RORA: variants seen among roughly 807,000 people sequenced by gnomAD.
RORA encodes the protein nuclear receptor ROR-alpha.
Under a neutral mutation model 69.5 loss-of-function variants are expected in RORA, and 7 were observed. That is an observed-to-expected ratio of 0.10 (90% CI 0.06 to 0.19). RORA has a LOEUF of 0.19. Among genes scored for constraint, RORA ranks in the 10% least tolerant of loss-of-function variants. The probability of loss-of-function intolerance (pLI) is 1.00; values close to 1 mark genes in which losing one functional copy is unlikely to be tolerated. For synonymous variants in RORA, 261 were observed against 240.8 expected (o/e 1.08, Z -0.78); for missense variants, 457 against 663.0 (o/e 0.69, Z 3.41).
intron 1 of RORA, among the ~76,000 whole-genome samples, chr15:60,974,214 G>A (rs1300999224): frequency 6.6e-6 from 1 of 152,164 alleles, no homozygotes; most frequent in African/African-American, 2.4e-5. Flanking sequence ...AACTCCATTA[G>A]TCATCCCTGA....
In RORA at chr15:60,937,306, T is replaced by C. The variant is rs369896386; in HGVS notation, c.167-258620A>G. 1.5e-4 allele frequency among the ~76,000 whole-genome samples: 23 copies of C among 152,254 alleles called. No individual in the cohort carries two copies. The East Asian group carries it at 2.9e-3, about 19-fold the overall frequency. ...TAGATAGCACTGAGCTTGAGTATGG[T>C]TGTTGTTTAAGAGTATTTACTGTCT... On this transcript the variant is annotated intron_variant, in intron 1 of 10. Transcript: ENST00000335670.
At chr15:60,650,694 A>C (rs1035870662) in intron 2 of RORA, 2 of 152,112 alleles carry the variant, frequency 1.3e-5, no homozygotes, top group Non-Finnish European at 2.9e-5. Context: ...GGAGTTTGCA[A>C]TTTTCTGTTG....
chr15:60,809,026 G>C (rs1453646782), intron 1 of RORA, among the ~76,000 whole-genome samples: 1 of 152,092 alleles, frequency 6.6e-6, no homozygotes, highest in African/African-American at 2.4e-5. Flanking sequence ...CAGAGGAAAT[G>C]TTGGGGGGTG....
rs141925989 is a variant in RORA at position 60,995,269 on chromosome 15, T to C, written c.166+233784A>G. Among the ~76,000 whole-genome samples the C allele has an allele frequency of 6.7e-3, 1,023 of 152,278 alleles. 14 individuals carry two copies. Among genetic ancestry groups the C allele is most frequent in the African/African-American group, 0.023 (962 of 41,564 alleles). ...GACAAATGTGGAAAAATCAGCCAAT[T>C]TGAGCTGGTTGTTAGCACTCCGGGT... On this transcript the variant is annotated intron_variant, in intron 1 of 10. Transcript: ENST00000335670.
intron 1 of RORA, among the ~76,000 whole-genome samples, chr15:61,030,849 A>T (rs1356182397): frequency 6.6e-6 from 1 of 152,192 alleles, no homozygotes; most frequent in Non-Finnish European, 1.5e-5. Context: ...TTTGAGAAAA[A>T]CGCAAATGAT....
rs74018175 is a variant in RORA at position 61,018,714 on chromosome 15, G to A, written c.166+210339C>T. ...GTACAGATGTATATATGACTATACT[G>A]ACCTCAGAGCAATCATACATATAAC... On this transcript the variant is annotated intron_variant, in intron 1 of 10. Coordinates refer to ENST00000335670, the MANE Select transcript of RORA (RefSeq NM_134261.3). Among the ~76,000 whole-genome samples the A allele has an allele frequency of 1.8e-3, 271 of 152,172 alleles. 1 individual carries two copies. Among genetic ancestry groups the A allele is most frequent in the African/African-American group, 6.3e-3 (261 of 41,528 alleles).
intron 1 of RORA, among the ~76,000 whole-genome samples, chr15:60,701,502 AT>A (rs2070980819): frequency 1.3e-5 from 2 of 152,188 alleles, no homozygotes; most frequent in Non-Finnish European, 2.9e-5. Flanking sequence ...TGAACAAAGG[AT>A]TTGGAACTCA....
In RORA at chr15:60,805,990, G is replaced by A. The variant is rs76482434; in HGVS notation, c.167-127304C>T. 5.0e-4 allele frequency among the ~76,000 whole-genome samples: 76 copies of A among 152,342 alleles called. 1 individual carries two copies. In the East Asian group the frequency reaches 9.4e-3, roughly 19 times the overall value. ...ATTCTTCTCTCTGTCCCAGGAATCTGTAGGGGGTAGATTGGGCAGGCTTTG... is the reference window on the plus strand; with the variant it reads ...ATTCTTCTCTCTGTCCCAGGAATCTATAGGGGGTAGATTGGGCAGGCTTTG... On this transcript the variant is annotated intron_variant, in intron 1 of 10. Coordinates refer to ENST00000335670, the MANE Select transcript of RORA (RefSeq NM_134261.3).
At chr15:61,013,139 T>C (rs979619026) in intron 1 of RORA, among the ~76,000 whole-genome samples, 1 of 152,236 alleles carries the variant, frequency 6.6e-6, no homozygotes, top group South Asian at 2.1e-4. Context: ...TTCAGTTGCA[T>C]AGGATAAGTC....
intron 1 of RORA, among the ~76,000 whole-genome samples, chr15:60,734,135 T>C (rs1297099649): frequency 6.6e-6 from 1 of 152,094 alleles, no homozygotes; most frequent in Non-Finnish European, 1.5e-5. Context: ...TCAGCAGGAT[T>C]TTTAGTGTTA....
chr15:61,126,724 A>T (rs141399360), intron 1 of RORA, among the ~76,000 whole-genome samples: 1,685 of 152,318 alleles, frequency 0.011, 26 homozygotes, highest in African/African-American at 0.036. Context: ...ATTTTACAGA[A>T]GAGAAAATGG....
At chr15:60,778,233 T>C (rs977582333) in intron 1 of RORA, among the ~76,000 whole-genome samples, 36 of 151,530 alleles carry the variant, frequency 2.4e-4, no homozygotes, top group African/African-American at 7.8e-4. Flanking sequence ...TTTTGTTTGT[T>C]TGTTTGTTTG....
chr15:60,711,416 A>T (rs2071142419), intron 1 of RORA, among the ~76,000 whole-genome samples: 2 of 152,198 alleles, frequency 1.3e-5, no homozygotes, highest in Admixed American at 1.3e-4. Flanking sequence ...AATATCAAAA[A>T]GTTGCCTACA....
rs921704965 is a variant in RORA at position 61,023,445 on chromosome 15, T to C, written c.166+205608A>G. ...ATCTCATGAGACTTATTCACTACCA[T>C]GGCAATGGTATGGGGGAAACCACCC... On this transcript the variant is annotated intron_variant, in intron 1 of 10. Coordinates refer to ENST00000335670, the MANE Select transcript of RORA (RefSeq NM_134261.3). Among the ~76,000 whole-genome samples the C allele has an allele frequency of 5.3e-5, 8 of 152,224 alleles. No homozygotes were observed. In the East Asian group the frequency reaches 1.2e-3, roughly 22 times the overall value.
At chr15:60,847,946 C>T (rs954617301) in intron 1 of RORA, 1 of 152,268 alleles carries the variant, frequency 6.6e-6, no homozygotes, top group African/African-American at 2.4e-5. Flanking sequence ...GAACACAACT[C>T]TCCAGCCCTC....
chr15:61,022,682 C>T (rs933113588), intron 1 of RORA, among the ~76,000 whole-genome samples: 11 of 152,096 alleles, frequency 7.2e-5, no homozygotes, highest in East Asian at 1.9e-4. Context: ...ACCCCCTAGA[C>T]ACATTGTGGC....
At chr15:60,988,327 C>A (rs1262763665) in intron 1 of RORA, among the ~76,000 whole-genome samples, 3 of 152,140 alleles carry the variant, frequency 2.0e-5, no homozygotes, top group Non-Finnish European at 4.4e-5. Context: ...GCAAATGTAG[C>A]TACAATCAGT....
chr15:60,893,784 T>A (rs1595798181), intron 1 of RORA, among the ~76,000 whole-genome samples: 1 of 152,118 alleles, frequency 6.6e-6, no homozygotes, highest in South Asian at 2.1e-4. Flanking sequence ...CCCAGAATCA[T>A]AAATTTTAAA....
At chr15:60,763,064 G>GTT (rs1567181989) in intron 1 of RORA, among the ~76,000 whole-genome samples, 7 of 40,216 alleles carry the variant, frequency 1.7e-4, no homozygotes, top group African/African-American at 7.6e-4. Context: ...AATATGCACA[G>GTT]ATTTTTTTTT....
Sources: allele counts gnomAD v4.1 joint callset (sites outside exome capture counted in the v4.1 genomes callset), GRCh38; gene constraint gnomAD v4.1.1; transcripts MANE v1.5; gene names NCBI Gene and HGNC (gene_info 2026-07-23, HGNC 2026-07-21).